TRPM3: variants seen among roughly 807,000 people sequenced by gnomAD.
TRPM3 encodes transient receptor potential cation channel subfamily M member 3.
A neutral mutation model predicts 181.2 loss-of-function variants in TRPM3; 77 were observed. The ratio of observed to expected loss-of-function variants is 0.42; its 90% confidence interval spans 0.35 to 0.51. The LOEUF is 0.51. Among genes scored for constraint, TRPM3 ranks in the 20% least tolerant of loss-of-function variants. The pLI, the probability that TRPM3 is intolerant of heterozygous loss-of-function variation, is 0.01. For synonymous variants in TRPM3, 745 were observed against 796.4 expected, an observed-to-expected ratio of 0.94 and a Z score of 1.09; for missense variants, 1,759 against 2,196.7, an observed-to-expected ratio of 0.80 and a Z score of 3.98.
rs368197122 is a variant in TRPM3 at position 70,618,191 on chromosome 9, A to G, written c.2358+676T>C. Among the ~76,000 whole-genome samples, 23 of 152,336 alleles carry G rather than the reference A, an allele frequency of 1.5e-4. No homozygotes were observed. The Middle Eastern group carries it at 0.01, about 68-fold the overall frequency. On this transcript the variant is annotated intron_variant, in intron 17 of 25. Transcript: ENST00000677713. The stretch of plus-strand genomic sequence containing the variant: ...ACACCATCCTATTTCCCTTAAAAAC[A>G]GTAACATCTCTTTCACAGTCCATTC...
At chr9:70,923,035 C>A (rs1235742526) in intron 1 of TRPM3, among the ~76,000 whole-genome samples, 4 of 152,070 alleles carry the variant, frequency 2.6e-5, no homozygotes, top group Non-Finnish European at 4.4e-5. Context: ...ATCTTTCCGA[C>A]TTTGGTTTTT....
At chr9:70,671,929 A>AGTTTTTTT (rs756835607) in intron 9 of TRPM3, among the ~76,000 whole-genome samples, 1 of 98,522 alleles carries the variant, frequency 1.0e-5, no homozygotes, top group Non-Finnish European at 2.0e-5. Flanking sequence ...ATGTCCAGCT[A>AGTTTTTTT]ATTTTTTTTT....
At chr9:71,324,141 T>A (rs1391809625) in intron 1 of TRPM3, among the ~76,000 whole-genome samples, 1 of 152,170 alleles carries the variant, frequency 6.6e-6, no homozygotes, top group East Asian at 1.9e-4. Flanking sequence ...TATGAGTTTC[T>A]AATCAATCTA....
At chr9:70,610,501 C>T (rs1413446480) in intron 19 of TRPM3, 108 bp downstream of exon 19, 12 of 1,357,036 alleles carry the variant, frequency 8.8e-6, no homozygotes, top group Non-Finnish European at 1.2e-5. Flanking sequence ...ACTTTCACTC[C>T]TGTGTGTGGC....
At chr9:70,654,617 C>T (rs1006890684) in intron 9 of TRPM3, among the ~76,000 whole-genome samples, 1 of 151,818 alleles carries the variant, frequency 6.6e-6, no homozygotes, top group African/African-American at 2.4e-5. Context: ...TTAAGAAAAA[C>T]AGTGGGAAAC....
intron 9 of TRPM3, among the ~76,000 whole-genome samples, chr9:70,667,316 A>T (rs989386606): frequency 6.6e-6 from 1 of 152,078 alleles, no homozygotes; most frequent in Non-Finnish European, 1.5e-5. Context: ...TTTAGGTCTT[A>T]TTTCTTGGGA....
intron 1 of TRPM3, among the ~76,000 whole-genome samples, chr9:71,285,335 T>C (rs716387): frequency 0.47 from 71,915 of 151,988 alleles, 17,057 homozygotes; most frequent in Middle Eastern, 0.51. Flanking sequence ...CACTAGAGGG[T>C]CGTAGCTGCA....
intron 1 of TRPM3, among the ~76,000 whole-genome samples, chr9:71,082,556 A>G (rs1477653109): frequency 1.3e-5 from 2 of 152,200 alleles, no homozygotes; most frequent in African/African-American, 4.8e-5. Context: ...GTTAAATGAT[A>G]GTTCACAAGG....
chr9:70,858,699 C>T (rs113506151), intron 3 of TRPM3, among the ~76,000 whole-genome samples: 65 of 152,128 alleles, frequency 4.3e-4, no homozygotes, highest in African/African-American at 1.4e-3. Flanking sequence ...CCATAACCTC[C>T]GAGACCTAGC....
chr9:70,560,011 T>G (rs1419559892), intron 22 of TRPM3, among the ~76,000 whole-genome samples: 1 of 152,186 alleles, frequency 6.6e-6, no homozygotes, highest in African/African-American at 2.4e-5. Context: ...AGTTTTTTCC[T>G]TATGTGGGAT....
At chr9:70,833,949 C>T (rs561241419) in intron 5 of TRPM3, among the ~76,000 whole-genome samples, 1 of 151,862 alleles carries the variant, frequency 6.6e-6, no homozygotes, top group Admixed American at 6.6e-5. Context: ...GGAACCTCTG[C>T]GTCTGAGATA....
In TRPM3 at chr9:70,536,385, G is replaced by A; in HGVS notation, c.4728C>T (p.Asp1576=). Residue 1576 remains aspartate, a synonymous_variant, in exon 26 of 26, where the codon GAC becomes GAT. Transcript: ENST00000677713. The part of the protein sequence containing the change: ...RCVNAPQAIA[D]RAAFPGGLGD... ...CAAGACCTCCAGGGAAGGCAGCTCTGTCCGCAATTGCTTGAGGGGCATTGA... is the reference window on the plus strand; with the variant it reads ...CAAGACCTCCAGGGAAGGCAGCTCTATCCGCAATTGCTTGAGGGGCATTGA... The A allele has an allele frequency of 6.2e-7, 1 of 1,614,068 alleles. No individual in the cohort carries two copies. Among genetic ancestry groups the A allele is most frequent in the Non-Finnish European group, 8.5e-7 (1 of 1,180,014 alleles).
At chr9:71,263,161 C>T (rs952686351) in intron 1 of TRPM3, among the ~76,000 whole-genome samples, 5 of 152,130 alleles carry the variant, frequency 3.3e-5, no homozygotes, top group Non-Finnish European at 7.3e-5. Context: ...CTATTACAAT[C>T]CTGATTTTTA....
At chr9:71,027,295 G>A (rs1221443420) in intron 1 of TRPM3, among the ~76,000 whole-genome samples, 1 of 151,958 alleles carries the variant, frequency 6.6e-6, no homozygotes, top group African/African-American at 2.4e-5. Flanking sequence ...CATGGACTAG[G>A]GTAAAAGAAA....
At chr9:70,765,820 AT>A (rs1292457941) in intron 7 of TRPM3, among the ~76,000 whole-genome samples, 1 of 152,060 alleles carries the variant, frequency 6.6e-6, no homozygotes, top group African/African-American at 2.4e-5. Flanking sequence ...CATTGGAGTG[AT>A]TTAAAATTTT....
intron 1 of TRPM3, among the ~76,000 whole-genome samples, chr9:70,955,238 C>A (rs1364036194): frequency 1.3e-5 from 2 of 152,154 alleles, no homozygotes; most frequent in African/African-American, 4.8e-5. Flanking sequence ...CTGCCAATAG[C>A]AGACAAAAGT....
intron 1 of TRPM3, among the ~76,000 whole-genome samples, chr9:71,437,754 G>A (rs2094065448): frequency 6.6e-6 from 1 of 151,372 alleles, no homozygotes; most frequent in African/African-American, 2.4e-5. Flanking sequence ...TGTAATCCCA[G>A]CTACTAGGGA....
intron 1 of TRPM3, among the ~76,000 whole-genome samples, chr9:71,373,540 A>C (rs1181085487): frequency 6.6e-6 from 1 of 152,172 alleles, no homozygotes; most frequent in East Asian, 1.9e-4. Flanking sequence ...GAAATGAATA[A>C]ATTCCTAGAC....
In TRPM3 at chr9:71,158,990, G is replaced by A. The variant is rs563419647; in HGVS notation, c.183+287663C>T. 2.4e-4 allele frequency among the ~76,000 whole-genome samples: 36 copies of A among 152,038 alleles called. No individual in the cohort carries two copies. In the South Asian group the frequency reaches 6.2e-3, roughly 26 times the overall value. ...GGAATCTACACCATCAGTGCTCTGC[G>A]CCTCAGGCCCTCAAACTATACCACT... On this transcript the variant is annotated intron_variant, in intron 1 of 24. Coordinates refer to the TRPM3 transcript ENST00000357533.
Sources: gnomAD v4.1 joint callset for allele counts (sites outside exome capture counted in the v4.1 genomes callset) on GRCh38, gnomAD v4.1.1 for gene constraint, MANE v1.5 for transcripts, NCBI Gene and HGNC (gene_info 2026-07-23, HGNC 2026-07-21) for gene names.